CYP2B6: variants seen among roughly 807,000 people sequenced by gnomAD.
The protein encoded by CYP2B6 is cytochrome P450 family 2 subfamily B member 6.
Under a neutral mutation model 43.4 loss-of-function variants are expected in CYP2B6, and 35 were observed. That is an observed-to-expected ratio of 0.81 (90% confidence interval 0.62 to 1.07). The LOEUF is 1.07. CYP2B6 is among the 50% of genes least tolerant of loss of function. CYP2B6 has a pLI of 0.00. For missense variants in CYP2B6, 624 were observed against 632.8 expected (o/e 0.99, Z 0.15); for synonymous variants, 239 against 239.2 (o/e 1.00, Z 0.01).
rs924635194 is a variant in CYP2B6 at position 40,999,731 on chromosome 19, C to G, written c.172-4270C>G. Among the ~76,000 whole-genome samples the G allele has an allele frequency of 6.8e-4, 103 of 152,174 alleles. 3 individuals are homozygous for G. Among genetic ancestry groups the G allele is most frequent in the Admixed American group, 6.5e-3 (100 of 15,284 alleles). The stretch of plus-strand genomic sequence containing the variant: ...AGAGACAGGGTCTCAGTCTGTTACC[C>G]AGGCTGGAGTACAATGGCACAGTCA... On this transcript the variant is annotated intron_variant, in intron 1 of 8. Transcript: ENST00000324071.
At chr19:41,007,356 G>T in intron 4 of CYP2B6, 1 of 433,468 alleles carries the variant, frequency 2.3e-6, no homozygotes, top group South Asian at 2.6e-5. Context: ...GAAATCAAGA[G>T]ATTCTGAGAG....
intron 1 of CYP2B6, among the ~76,000 whole-genome samples, chr19:40,997,334 C>A (rs4802102): frequency 0.7 from 105,470 of 151,528 alleles, 38,206 homozygotes; most frequent in African/African-American, 0.9. Flanking sequence ...ATTACTAATC[C>A]ATCAACCCAC....
chr19:40,991,348 C>A lies in CYP2B6; in HGVS notation c.43C>A (p.Leu15Ile), dbSNP rs755125783. The A allele has an allele frequency of 3.1e-6, 5 of 1,614,106 alleles. No homozygotes were observed. The highest frequency in any genetic ancestry group is 4.2e-6 in the Non-Finnish European group (5 of 1,180,026). Residue 15 changes from leucine (L) to isoleucine (I), a missense_variant, in exon 1 of 9, where the codon CTC becomes ATC. Physicochemically the swap from Leu to Ile is conservative, Grantham distance 5. Transcript: ENST00000324071. ...CCTCTTCCTTGCACTCCTCACAGGA[C>A]TCTTGCTACTCCTGGTTCAGCGCCA... ...VLLFLALLTG[L>I]LLLLVQRHPN...
intron 8 of CYP2B6, among the ~76,000 whole-genome samples, chr19:41,015,496 T>C (rs1969346961): frequency 6.6e-6 from 1 of 152,178 alleles, no homozygotes; most frequent in Non-Finnish European, 1.5e-5. Context: ...GGTTTGCAGA[T>C]TATGAAACAC....
rs1969402503 is a variant in CYP2B6 at position 41,018,332 on chromosome 19, T to G, written c.*1505T>G. The G allele has an allele frequency of 6.6e-6, 1 of 152,286 alleles. No individual in the cohort carries two copies. The highest frequency in any genetic ancestry group is 2.4e-5 in the African/African-American group (1 of 41,452). The allele number at this position is 152,286 out of a possible 1,614,324, so 9.4% of individuals were successfully genotyped here. On this transcript the variant is annotated 3_prime_UTR_variant, in exon 9 of 9. Coordinates refer to ENST00000324071, the MANE Select transcript of CYP2B6 (RefSeq NM_000767.5). ...TTCTGCACTGGTGCTTTGGATTCCC[T>G]GATATGTTCCTTCAAATCTGCTGAG... is the stretch of plus-strand genomic sequence containing the variant.
chr19:41,008,065 T>G (rs1225142445), intron 4 of CYP2B6, among the ~76,000 whole-genome samples: 2 of 151,996 alleles, frequency 1.3e-5, no homozygotes, highest in African/African-American at 4.8e-5. Flanking sequence ...GTTTTTTTTT[T>G]TAACTTTCCC....
intron 8 of CYP2B6, 170 bp downstream of exon 8, chr19:41,012,985 A>G (rs1228220594): frequency 1.2e-6 from 1 of 803,780 alleles, no homozygotes; most frequent in East Asian, 2.5e-5. Context: ...GGCTTGAGAA[A>G]GAAGATTACA....
intron 3 of CYP2B6, among the ~76,000 whole-genome samples, chr19:41,005,642 T>G (rs1969167220): frequency 6.6e-6 from 1 of 151,752 alleles, no homozygotes; most frequent in Non-Finnish European, 1.5e-5. Context: ...TTAGCCAGGC[T>G]TGGTAGCACG....
In CYP2B6 at chr19:41,016,889, C is replaced by A; in HGVS notation, c.*62C>A. On this transcript the variant is annotated 3_prime_UTR_variant, in exon 9 of 9. Coordinates refer to ENST00000324071, the MANE Select transcript of CYP2B6 (RefSeq NM_000767.5). ...CATTCAGTGTCCCCGCCTCTGTAGA[C>A]AATGGCTCTGACTCCCCGCAACTTC... 3 of 1,557,384 alleles carry A rather than the reference C, an allele frequency of 1.9e-6. No individual in the cohort carries two copies. The Admixed American group carries it at 5.4e-5, about 28-fold the overall frequency.
At chr19:41,012,140 G>A (rs1009207890) in intron 6 of CYP2B6, among the ~76,000 whole-genome samples, 158 bp from the exon 7 acceptor site, 2 of 152,044 alleles carry the variant, frequency 1.3e-5, no homozygotes, top group African/African-American at 4.8e-5. Flanking sequence ...AGGAGAGACG[G>A]GATTTTGCCA....
At chr19:41,005,080 G>GA (rs903654476) in intron 3 of CYP2B6, among the ~76,000 whole-genome samples, 3 of 152,070 alleles carry the variant, frequency 2.0e-5, no homozygotes, top group African/African-American at 7.2e-5. Context: ...TTAAGTAAAA[G>GA]AAAAAAACTA....
At chr19:41,015,850 C>A (rs192377061) in intron 8 of CYP2B6, among the ~76,000 whole-genome samples, 200 of 149,876 alleles carry the variant, frequency 1.3e-3, no homozygotes, top group African/African-American at 4.7e-3. Context: ...GCCTCCTTAG[C>A]ACAAGCCAAG....
intron 3 of CYP2B6, among the ~76,000 whole-genome samples, chr19:41,005,373 A>G (rs1013469050): frequency 2.0e-4 from 30 of 152,260 alleles, no homozygotes; most frequent in African/African-American, 7.2e-4. Context: ...CAGAGGCTGC[A>G]TGGGGAGGTA....
intron 4 of CYP2B6, 34 bp downstream of exon 4, chr19:41,007,099 G>T: frequency 6.2e-7 from 1 of 1,608,808 alleles, no homozygotes; most frequent in Non-Finnish European, 8.5e-7. Context: ...GGGGTGTGGG[G>T]GTGAGGTGAA....
In CYP2B6 at chr19:41,007,066, G is replaced by A; in HGVS notation, c.645+1G>A. On this transcript the variant is annotated splice_donor_variant, in intron 4 of 8. Coordinates refer to ENST00000324071, the MANE Select transcript of CYP2B6 (RefSeq NM_000767.5). LOFTEE classifies it high-confidence loss of function. ...ACTCATCAGCTCTGTATTCGGCCAG[G>A]TCAGGGAGACGGAGAGGGACAGGGG... 1 of 1,614,078 alleles carries A rather than the reference G, an allele frequency of 6.2e-7. No homozygotes were observed. Among genetic ancestry groups the A allele is most frequent in the Non-Finnish European group, 8.5e-7 (1 of 1,180,022 alleles).
At chr19:41,013,738 A>T (rs1407917797) in intron 8 of CYP2B6, among the ~76,000 whole-genome samples, 1 of 152,220 alleles carries the variant, frequency 6.6e-6, no homozygotes, top group Non-Finnish European at 1.5e-5. Context: ...TGGTTAAAAG[A>T]AAAACTTTAG....
intron 1 of CYP2B6, among the ~76,000 whole-genome samples, chr19:40,995,676 T>C (rs1186052407): frequency 2.6e-5 from 4 of 152,234 alleles, no homozygotes; most frequent in Non-Finnish European, 5.9e-5. Context: ...GCATAGGCCC[T>C]CTATTACTAT....
In CYP2B6 at chr19:41,012,391, T is replaced by C; in HGVS notation, c.1058T>C (p.Ile353Thr). 1 of 1,614,068 alleles carries C rather than the reference T, an allele frequency of 6.2e-7. No individual in the cohort carries two copies. ...RAKMPYTEAVIYEIQRFSDLL... is the reference protein window; with the variant it reads ...RAKMPYTEAVTYEIQRFSDLL... ...AAAATGCCATACACAGAGGCAGTCA[T>C]CTATGAGATTCAGAGATTTTCCGAC... The change falls in exon 7 of 9, where the codon ATC becomes ACC. Residue 353 changes from isoleucine (I) to threonine (T), a missense_variant. Coordinates refer to ENST00000324071, the MANE Select transcript of CYP2B6 (RefSeq NM_000767.5).
rs1400767985 is a variant in CYP2B6 at position 41,004,464 on chromosome 19, A to C, written c.484+18A>C. The C allele has an allele frequency of 1.9e-6, 3 of 1,612,502 alleles. No homozygotes were observed. Among genetic ancestry groups the C allele is most frequent in the Non-Finnish European group, 2.5e-6 (3 of 1,179,496 alleles). On this transcript the variant is annotated intron_variant, in intron 3 of 8. Transcript: ENST00000324071. ...ATCCAAGGGTGAGTCCTGGGGGATG[A>C]ATAGGAAAGAAAGACAATGAAACAC...
Sources: gnomAD v4.1 joint callset for allele counts (sites outside exome capture counted in the v4.1 genomes callset) on GRCh38, gnomAD v4.1.1 for gene constraint, MANE v1.5 for transcripts, NCBI Gene and HGNC (gene_info 2026-07-23, HGNC 2026-07-21) for gene names.